The following LHFPL6 variants were observed in gnomAD, a reference collection of about 807,000 sequenced individuals.
LHFPL6 encodes LHFPL tetraspan subfamily member 6, also known as LHFPL tetraspan subfamily member 6 protein.
Under a neutral mutation model 20.6 loss-of-function variants are expected in LHFPL6, and 9 were observed. The ratio of observed to expected loss-of-function variants is 0.44; its 90% CI spans 0.26 to 0.76. The LOEUF is 0.76. Among genes scored for constraint, LHFPL6 ranks in the 30% least tolerant of loss-of-function variants. LHFPL6 has a pLI of 0.20. For missense variants in LHFPL6, 218 were observed against 253.5 expected, an observed-to-expected ratio of 0.86 and a Z score of 0.95; for synonymous variants, 105 against 98.7, an observed-to-expected ratio of 1.06 and a Z score of -0.38.
intron 2 of LHFPL6, among the ~76,000 whole-genome samples, chr13:39,535,086 T>C (rs1566135263): frequency 6.6e-6 from 1 of 152,228 alleles, no homozygotes; most frequent in South Asian, 2.1e-4. Context: ...CTGCAATCTC[T>C]ACTTCTGTTT....
chr13:39,582,458 G>T (rs1166782397), intron 2 of LHFPL6, among the ~76,000 whole-genome samples: 2 of 152,182 alleles, frequency 1.3e-5, no homozygotes, highest in Non-Finnish European at 1.5e-5. Context: ...TACAAAGCAG[G>T]ATCAGGGGAG....
At chr13:39,439,619 G>A (rs140620142) in intron 2 of LHFPL6, among the ~76,000 whole-genome samples, 94 of 152,270 alleles carry the variant, frequency 6.2e-4, no homozygotes, top group African/African-American at 1.8e-3. Flanking sequence ...TGGAGATGGC[G>A]CCTGGTGGGA....
chr13:39,451,505 G>A (rs1376118087), intron 2 of LHFPL6, among the ~76,000 whole-genome samples: 2 of 152,162 alleles, frequency 1.3e-5, no homozygotes, highest in Non-Finnish European at 2.9e-5. Flanking sequence ...AAAGAAAACT[G>A]TTTCACAAAA....
At chr13:39,580,905 A>G (rs1320604792) in intron 2 of LHFPL6, among the ~76,000 whole-genome samples, 1 of 152,222 alleles carries the variant, frequency 6.6e-6, no homozygotes, top group African/African-American at 2.4e-5. Flanking sequence ...TTGCACGACA[A>G]CACATGGCCA....
intron 2 of LHFPL6, among the ~76,000 whole-genome samples, chr13:39,442,707 T>C (rs1872171967): frequency 6.6e-6 from 1 of 152,218 alleles, no homozygotes; most frequent in South Asian, 2.1e-4. Flanking sequence ...TATTCTTTTT[T>C]TTCTTTCTTG....
At chr13:39,518,120 C>A (rs150175594) in intron 2 of LHFPL6, among the ~76,000 whole-genome samples, 82 of 152,250 alleles carry the variant, frequency 5.4e-4, no homozygotes, top group South Asian at 1.7e-3. Context: ...CCCCTGCTTT[C>A]AGAATAAAGT....
chr13:39,455,270 C>T (rs566289808), intron 2 of LHFPL6, among the ~76,000 whole-genome samples: 2 of 152,274 alleles, frequency 1.3e-5, no homozygotes, highest in East Asian at 3.9e-4. Flanking sequence ...AAAGCAGCTA[C>T]AGCCGGGCCG....
At chr13:39,516,242 T>C (rs1467258931) in intron 2 of LHFPL6, among the ~76,000 whole-genome samples, 1 of 152,208 alleles carries the variant, frequency 6.6e-6, no homozygotes, top group Admixed American at 6.5e-5. Context: ...ATGCCAAACA[T>C]TTCTATCCTG....
intron 2 of LHFPL6, among the ~76,000 whole-genome samples, chr13:39,511,874 T>A (rs1018122126): frequency 6.6e-6 from 1 of 152,184 alleles, no homozygotes; most frequent in Non-Finnish European, 1.5e-5. Context: ...ATAATAATCC[T>A]CACATAGGCA....
intron 2 of LHFPL6, among the ~76,000 whole-genome samples, chr13:39,510,139 G>T (rs9315694): frequency 1.3e-5 from 2 of 152,008 alleles, no homozygotes; most frequent in Non-Finnish European, 2.9e-5. Flanking sequence ...ACAATGAGGC[G>T]TAATGATAAA....
In LHFPL6 at chr13:39,600,994, G is replaced by T. The variant is rs567665695; in HGVS notation, c.223C>A (p.Gln75Lys). Residue 75 changes from glutamine to lysine, a missense_variant, in exon 2 of 4, where the codon CAG (glutamine) becomes AAG (lysine). Gln to Lys is a moderately conservative substitution (Grantham distance 53, BLOSUM62 1). Coordinates refer to ENST00000379589, the MANE Select transcript of LHFPL6 (RefSeq NM_005780.3). ...VEECGRYASFQGIPSAEWRIC... is the reference protein window; with the variant it reads ...VEECGRYASFKGIPSAEWRIC... ...CTCCATTCTGCGCTGGGGATGCCCT[G>T]GAAGGAGGCATAGCGCCCACATTCC... 1.9e-6 allele frequency: 3 copies of T among 1,613,930 alleles called. No homozygotes were observed. Among genetic ancestry groups the T allele is most frequent in the East Asian group, 4.5e-5 (2 of 44,866 alleles).
At chr13:39,435,041 C>T (rs1231758805) in intron 2 of LHFPL6, among the ~76,000 whole-genome samples, 4 of 112,446 alleles carry the variant, frequency 3.6e-5, no homozygotes, top group African/African-American at 6.9e-5. Context: ...CCGACCTGGG[C>T]GACAGAGCGA....
intron 2 of LHFPL6, among the ~76,000 whole-genome samples, chr13:39,544,976 C>T (rs966007150): frequency 6.6e-6 from 1 of 152,028 alleles, no homozygotes; most frequent in African/African-American, 2.4e-5. Context: ...GGCACAGTGG[C>T]TCACACCTGT....
intron 2 of LHFPL6, among the ~76,000 whole-genome samples, chr13:39,511,370 G>T (rs1869699462): frequency 6.6e-6 from 1 of 151,452 alleles, no homozygotes; most frequent in South Asian, 2.1e-4. Context: ...GAACTAGAAG[G>T]CATAAAAAAT....
chr13:39,403,474 T>A (rs1268777882), intron 2 of LHFPL6, among the ~76,000 whole-genome samples: 2 of 152,178 alleles, frequency 1.3e-5, no homozygotes, highest in East Asian at 3.9e-4. Flanking sequence ...TGTGATATTG[T>A]GCATATACCA....
intron 2 of LHFPL6, among the ~76,000 whole-genome samples, chr13:39,413,945 G>A (rs951122875): frequency 3.3e-5 from 5 of 152,006 alleles, no homozygotes; most frequent in Non-Finnish European, 7.4e-5. Context: ...TGGCTTCTTT[G>A]ACTCAAATTT....
chr13:39,369,044 T>C (rs17209024), intron 3 of LHFPL6, among the ~76,000 whole-genome samples: 30,276 of 150,038 alleles, frequency 0.2, 3,175 homozygotes, highest in Middle Eastern at 0.27. Flanking sequence ...TTAAGTACTT[T>C]ACATCTGAAA....
chr13:39,590,308 T>G (rs1046417509), intron 2 of LHFPL6, among the ~76,000 whole-genome samples: 1 of 152,200 alleles, frequency 6.6e-6, no homozygotes, highest in African/African-American at 2.4e-5. Flanking sequence ...TCTGGGAGAT[T>G]GGCAATATGC....
chr13:39,456,512 T>C (rs1472353606), intron 2 of LHFPL6, among the ~76,000 whole-genome samples: 1 of 152,110 alleles, frequency 6.6e-6, no homozygotes, highest in Admixed American at 6.5e-5. Context: ...ATTAGGACAA[T>C]ATATTATGAC....
Sources: allele counts gnomAD v4.1 joint callset (sites outside exome capture counted in the v4.1 genomes callset), GRCh38; gene constraint gnomAD v4.1.1; transcripts MANE v1.5; gene names NCBI Gene and HGNC (gene_info 2026-07-23, HGNC 2026-07-21).